Variants in MPHOSPH8 observed in about 807,000 individuals in gnomAD.
The protein encoded by MPHOSPH8 is M-phase phosphoprotein, mpp.
MPHOSPH8 carries 45 observed loss-of-function variants against 87.3 expected under a neutral mutation model. The observed-to-expected ratio is 0.52, with a 90% confidence interval of 0.41 to 0.66. The LOEUF is 0.66. MPHOSPH8 is among the 30% of genes least tolerant of loss of function. MPHOSPH8 has a pLI of 0.00. For missense variants in MPHOSPH8, 883 were observed against 1,020.2 expected, an observed-to-expected ratio of 0.87 and a Z score of 1.83; for synonymous variants, 366 against 376.9, an observed-to-expected ratio of 0.97 and a Z score of 0.33.
At chr13:19,651,588 C>T (rs1874854440) in intron 5 of MPHOSPH8, among the ~76,000 whole-genome samples, 1 of 151,246 alleles carries the variant, frequency 6.6e-6, no homozygotes, top group South Asian at 2.1e-4. Context: ...CACAGCTACT[C>T]TGGAGGCGAG....
At chr13:19,668,833 T>C (rs976571841) in intron 11 of MPHOSPH8, among the ~76,000 whole-genome samples, 1 of 152,188 alleles carries the variant, frequency 6.6e-6, no homozygotes, top group African/African-American at 2.4e-5. Flanking sequence ...TCCCTGAATT[T>C]TGTTGTTTGT....
intron 1 of MPHOSPH8, among the ~76,000 whole-genome samples, chr13:19,637,768 A>G (rs1396003970): frequency 6.6e-6 from 1 of 151,912 alleles, no homozygotes; most frequent in Non-Finnish European, 1.5e-5. Flanking sequence ...TAATTTCTTC[A>G]GTTTTAATTA....
At chr13:19,634,377 G>A (rs966498634) in intron 1 of MPHOSPH8, among the ~76,000 whole-genome samples, 1 of 152,134 alleles carries the variant, frequency 6.6e-6, no homozygotes, top group African/African-American at 2.4e-5. Flanking sequence ...AAAATCTTCC[G>A]GAATTTTCAT....
chr13:19,661,732 C>G lies in MPHOSPH8; in HGVS notation c.1826C>G (p.Ala609Gly), dbSNP rs764393170. 1 of 1,610,526 alleles carries G rather than the reference C, an allele frequency of 6.2e-7. No homozygotes were observed. The highest frequency in any genetic ancestry group is 8.5e-7 in the Non-Finnish European group (1 of 1,177,598). Residue 609 changes from alanine to glycine, a missense_variant, in exon 8 of 14, where the codon GCC becomes GGC. By Grantham distance (60) the Ala-to-Gly change is moderately conservative (BLOSUM62 0). Transcript: ENST00000361479. ...GGAATGACACTGGTGATGCTTGCCG[C>G]CGCCGGAGGGCAGGACGACCTCCTG... ...SSGMTLVMLAAAGGQDDLLRL... is the reference protein window; with the variant it reads ...SSGMTLVMLAGAGGQDDLLRL...
chr13:19,645,964 A>G (rs901283417), intron 2 of MPHOSPH8, among the ~76,000 whole-genome samples: 2 of 152,132 alleles, frequency 1.3e-5, no homozygotes, highest in African/African-American at 4.8e-5. Flanking sequence ...GGGAAGTAAG[A>G]TTTGTGTGCA....
intron 7 of MPHOSPH8, chr13:19,660,865 A>G: frequency 2.2e-6 from 2 of 925,338 alleles, no homozygotes; most frequent in Non-Finnish European, 2.6e-6. Flanking sequence ...TTTTCTAGGT[A>G]GAAAATTTGA....
intron 5 of MPHOSPH8, among the ~76,000 whole-genome samples, chr13:19,654,584 A>G (rs1411924393): frequency 6.6e-6 from 1 of 152,202 alleles, no homozygotes; most frequent in Non-Finnish European, 1.5e-5. Flanking sequence ...CTAAAAATAG[A>G]CAAAGAATGC....
chr13:19,656,194 A>G (rs1387338800), intron 5 of MPHOSPH8, among the ~76,000 whole-genome samples: 4 of 144,112 alleles, frequency 2.8e-5, no homozygotes, highest in Non-Finnish European at 4.5e-5. Context: ...TAGGAGGACC[A>G]TTTGAGCCCA....
At chr13:19,645,777 C>T (rs1874532685) in intron 2 of MPHOSPH8, among the ~76,000 whole-genome samples, 1 of 151,780 alleles carries the variant, frequency 6.6e-6, no homozygotes, top group Non-Finnish European at 1.5e-5. Context: ...CGTTTCCATC[C>T]CTTCTCTCTA....
chr13:19,643,088 G>A (rs977632715), intron 2 of MPHOSPH8, among the ~76,000 whole-genome samples: 11 of 152,260 alleles, frequency 7.2e-5, no homozygotes, highest in South Asian at 2.1e-4. Flanking sequence ...TGTCAACATC[G>A]TAGTATTTTT....
At chr13:19,645,738 C>G (rs1874529726) in intron 2 of MPHOSPH8, among the ~76,000 whole-genome samples, 1 of 142,398 alleles carries the variant, frequency 7.0e-6, no homozygotes, top group Non-Finnish European at 1.5e-5. Context: ...GAATGAGACT[C>G]TGTCTCAAAA....
chr13:19,656,580 T>G (rs1875189177), intron 5 of MPHOSPH8, among the ~76,000 whole-genome samples: 2 of 151,870 alleles, frequency 1.3e-5, no homozygotes, highest in Admixed American at 6.6e-5. Flanking sequence ...GCCAACATGG[T>G]GAAACCCCGT....
At position 19,668,374 on chromosome 13, in the gene MPHOSPH8, TAGA is replaced by T; in HGVS notation, c.2175-2_2175del. On this transcript the variant is annotated splice_acceptor_variant and coding_sequence_variant, in exon 11 of 14. Transcript: ENST00000361479. LOFTEE classifies it high-confidence loss of function. ...GTTAACACGTACTATTTTTTTTTCT[TAGA>T]CTTTCAAGAGTAGCAGAAGAGACAA... 1 of 1,611,600 alleles carries T rather than the reference TAGA, an allele frequency of 6.2e-7. No homozygotes were observed.
At chr13:19,671,405 ACTCCCTGGGGT>A (rs1876118935) in intron 13 of MPHOSPH8, 116 bp downstream of exon 13, 13 of 843,678 alleles carry the variant, frequency 1.5e-5, no homozygotes, top group Non-Finnish European at 2.1e-5. Context: ...AGAGACAGGC[ACTCCCTGGGGT>A]AGTGATGCTA....
At chr13:19,660,930 T>C (rs1593485847) in intron 7 of MPHOSPH8, 2 of 985,138 alleles carry the variant, frequency 2.0e-6, no homozygotes, top group Non-Finnish European at 2.4e-6. Flanking sequence ...ACTTTTCATG[T>C]GCCTTTAGGA....
rs574650725 is a variant in MPHOSPH8 at position 19,659,678 on chromosome 13, A to G, written c.1791+389A>G. ...GACTCCCATCTCAAAAAAAAAAAAAATAATGCACGTTCACTTTGTAAAATA... is the reference window on the plus strand; with the variant it reads ...GACTCCCATCTCAAAAAAAAAAAAAGTAATGCACGTTCACTTTGTAAAATA... On this transcript the variant is annotated intron_variant, in intron 7 of 13. Coordinates refer to ENST00000361479, the MANE Select transcript of MPHOSPH8 (RefSeq NM_017520.4). 26 of 434,936 alleles carry G rather than the reference A, an allele frequency of 6.0e-5. 1 individual carries two copies. The highest frequency in any genetic ancestry group is 4.3e-4 in the African/African-American group (21 of 48,520). 26.9% of individuals were successfully genotyped at this position (434,936 alleles called of 1,614,324 possible).
At position 19,659,733 on chromosome 13, in the gene MPHOSPH8, A is replaced by G. The variant is rs17837191; in HGVS notation, c.1791+444A>G. Reference sequence around the variant, plus strand: ...AATTGTAGAACCCTATAAATGTACAATTATAGTCCCTTTAATTCCAACCCC... The same window carrying G: ...AATTGTAGAACCCTATAAATGTACAGTTATAGTCCCTTTAATTCCAACCCC... On this transcript the variant is annotated intron_variant, in intron 7 of 13. Coordinates refer to ENST00000361479, the MANE Select transcript of MPHOSPH8 (RefSeq NM_017520.4). The G allele has an allele frequency of 2.0e-3, 779 of 387,136 alleles. 15 individuals carry two copies. The East Asian group carries it at 0.043, about 21-fold the overall frequency. The allele number at this position is 387,136 out of a possible 1,614,324, so 24.0% of individuals were successfully genotyped here.
At chr13:19,645,553 C>T (rs981998239) in intron 2 of MPHOSPH8, among the ~76,000 whole-genome samples, 7 of 151,968 alleles carry the variant, frequency 4.6e-5, no homozygotes, top group Admixed American at 6.6e-5. Flanking sequence ...GTCAGGGGTT[C>T]GAGACCAGCC....
chr13:19,670,784 T>C, intron 12 of MPHOSPH8: 2 of 1,216,188 alleles, frequency 1.6e-6, no homozygotes, highest in Non-Finnish European at 2.1e-6. Flanking sequence ...TTCTGTCATT[T>C]GTATATTTTT....
Sources: gnomAD v4.1 joint callset for allele counts (sites outside exome capture counted in the v4.1 genomes callset) on GRCh38, gnomAD v4.1.1 for gene constraint, MANE v1.5 for transcripts, NCBI Gene and HGNC (gene_info 2026-07-23, HGNC 2026-07-21) for gene names.